The following VRK1 variants were observed in gnomAD, a reference collection of about 807,000 sequenced individuals.
VRK1 encodes the protein VRK serine/threonine kinase 1, also known as serine/threonine-protein kinase VRK1.
VRK1 carries 33 observed loss-of-function variants against 57.1 expected under a neutral mutation model. The observed-to-expected ratio is 0.58, with a 90% CI of 0.44 to 0.77. The LOEUF (loss-of-function observed/expected upper bound fraction) is 0.77. VRK1 is among the 30% of genes least tolerant of loss of function. The probability of loss-of-function intolerance (pLI) is 0.00; values close to 1 mark genes in which losing one functional copy is unlikely to be tolerated. For synonymous variants in VRK1, 137 were observed against 147.8 expected, an observed-to-expected ratio of 0.93 and a Z score of 0.53; for missense variants, 413 against 477.3, an observed-to-expected ratio of 0.87 and a Z score of 1.25.
At chr14:96,798,135 C>G (rs1885514537) in intron 1 of VRK1, among the ~76,000 whole-genome samples, 1 of 152,210 alleles carries the variant, frequency 6.6e-6, no homozygotes, top group African/African-American at 2.4e-5. Flanking sequence ...GAGGGTCTGT[C>G]TGGTGCAAGG....
chr14:96,802,106 A>C (rs1027929214), intron 1 of VRK1, among the ~76,000 whole-genome samples: 2 of 152,254 alleles, frequency 1.3e-5, no homozygotes, highest in Non-Finnish European at 2.9e-5. Context: ...TCAGACTTGC[A>C]GAAAATACTT....
chr14:96,827,964 C>T (rs1886863927), intron 1 of VRK1, among the ~76,000 whole-genome samples: 1 of 152,168 alleles, frequency 6.6e-6, no homozygotes, highest in Non-Finnish European at 1.5e-5. Flanking sequence ...CCCTAGGAAC[C>T]ATCCACCTCC....
Position 96,803,058 on chromosome 14 carries a change from G to A in VRK1, c.-6+5611G>A, listed in dbSNP as rs567715246. Among the ~76,000 whole-genome samples, 10 of 152,090 alleles carry A rather than the reference G, an allele frequency of 6.6e-5. No homozygotes were observed. In the South Asian group the frequency reaches 2.1e-3, roughly 32 times the overall value. ...CACTGTATACACTACCCACCAGCTA[G>A]TTAGTCACTCTTGGTTATCAGATTG... On this transcript the variant is annotated intron_variant, in intron 1 of 12. Transcript: ENST00000216639.
chr14:96,850,384 C>G (rs975636696), intron 5 of VRK1, among the ~76,000 whole-genome samples: 1 of 152,084 alleles, frequency 6.6e-6, no homozygotes, highest in Non-Finnish European at 1.5e-5. Context: ...ATCCAAGTCT[C>G]CAGAAAAGTA....
At chr14:96,875,908 G>A (rs1889008805) in intron 11 of VRK1, 122 bp from the exon 12 acceptor site, 1 of 1,007,504 alleles carries the variant, frequency 9.9e-7, no homozygotes, top group Non-Finnish European at 1.5e-6. Flanking sequence ...TATTCTTCCT[G>A]TGTGTTTTGA....
At chr14:96,799,075 A>G (rs1885554333) in intron 1 of VRK1, among the ~76,000 whole-genome samples, 1 of 152,190 alleles carries the variant, frequency 6.6e-6, no homozygotes, top group Admixed American at 6.5e-5. Context: ...TTTATAGTGC[A>G]ATGTCTTCTT....
At chr14:96,830,999 C>CTT (rs1243864330) in intron 1 of VRK1, among the ~76,000 whole-genome samples, 1 of 152,208 alleles carries the variant, frequency 6.6e-6, no homozygotes, top group Non-Finnish European at 1.5e-5. Context: ...AGGCAACAGG[C>CTT]TTCAGCCTCT....
chr14:96,862,579 TG>T (rs1321971096), intron 11 of VRK1, among the ~76,000 whole-genome samples: 1 of 151,132 alleles, frequency 6.6e-6, no homozygotes, highest in Admixed American at 6.6e-5. Context: ...TCTTTTAAAC[TG>T]CAGAACATTT....
intron 1 of VRK1, 34 bp from the exon 2 acceptor site, chr14:96,833,433 A>G (rs1187986958): frequency 1.2e-6 from 2 of 1,611,746 alleles, no homozygotes; most frequent in Admixed American, 1.7e-5. Flanking sequence ...TTCTAAGATT[A>G]GAATTCTGAC....
chr14:96,814,365 G>A (rs1886315316), intron 1 of VRK1, among the ~76,000 whole-genome samples: 1 of 152,184 alleles, frequency 6.6e-6, no homozygotes, highest in Non-Finnish European at 1.5e-5. Flanking sequence ...ACTTGTGGCA[G>A]TTGACAGGGC....
chr14:96,808,022 T>TCTCTCTCC (rs1566683641), intron 1 of VRK1, among the ~76,000 whole-genome samples: 2 of 46,064 alleles, frequency 4.3e-5, no homozygotes, highest in Non-Finnish European at 9.5e-5. Flanking sequence ...TCCCTCTGTG[T>TCTCTCTCC]GTGTGTGTGT....
intron 1 of VRK1, among the ~76,000 whole-genome samples, chr14:96,832,358 T>G (rs1887040591): frequency 6.6e-6 from 1 of 152,174 alleles, no homozygotes; most frequent in Non-Finnish European, 1.5e-5. Flanking sequence ...TTTCTATATC[T>G]CCAGTATGTT....
chr14:96,847,194 T>G, intron 4 of VRK1, 63 bp from the exon 5 acceptor site: 1 of 1,421,280 alleles, frequency 7.0e-7, no homozygotes, highest in Non-Finnish European at 9.8e-7. Context: ...TCTTAATGAT[T>G]TTTTAAAAAA....
At chr14:96,881,104 T>G in intron 12 of VRK1, 73 bp from the exon 13 acceptor site, 1 of 1,235,584 alleles carries the variant, frequency 8.1e-7, no homozygotes, top group Non-Finnish European at 1.2e-6. Context: ...TATTTAGGGA[T>G]ATTTATATTT....
intron 5 of VRK1, among the ~76,000 whole-genome samples, chr14:96,852,556 G>A (rs1214124866): frequency 2.0e-5 from 3 of 152,060 alleles, no homozygotes; most frequent in Non-Finnish European, 4.4e-5. Context: ...TAAACTTGTT[G>A]GGTTCTCTCT....
intron 5 of VRK1, among the ~76,000 whole-genome samples, chr14:96,852,290 C>T (rs1398027819): frequency 6.6e-6 from 1 of 152,146 alleles, no homozygotes; most frequent in Non-Finnish European, 1.5e-5. Context: ...TTGTTTTTCC[C>T]CAAATCTTGG....
intron 1 of VRK1, among the ~76,000 whole-genome samples, chr14:96,808,030 T>TC (rs1566683667): frequency 7.8e-6 from 1 of 128,258 alleles, no homozygotes; most frequent in South Asian, 2.3e-4. Flanking sequence ...TGTGTGTGTG[T>TC]GTGTGTGTGT....
At chr14:96,861,045 C>G in intron 11 of VRK1, 1 of 206,410 alleles carries the variant, frequency 4.8e-6, no homozygotes, top group South Asian at 9.1e-5. Flanking sequence ...CAAGTCACCA[C>G]TTAGGGTTCA....
chr14:96,814,063 T>C (rs1172073415), intron 1 of VRK1, among the ~76,000 whole-genome samples: 2 of 152,168 alleles, frequency 1.3e-5, no homozygotes. Context: ...TATTAGTTCA[T>C]TTATACATAA....
Sources: gnomAD v4.1 joint callset for allele counts (sites outside exome capture counted in the v4.1 genomes callset) on GRCh38, gnomAD v4.1.1 for gene constraint, MANE v1.5 for transcripts, NCBI Gene and HGNC (gene_info 2026-07-23, HGNC 2026-07-21) for gene names.